The following SIK3 variants were observed in gnomAD, a reference collection of about 807,000 sequenced individuals.
SIK3 encodes the protein SIK family kinase 3.
SIK3 carries 28 observed loss-of-function variants against 144.2 expected under a neutral mutation model. The observed-to-expected ratio is 0.19, with a 90% confidence interval of 0.14 to 0.27. SIK3 has a LOEUF of 0.27. Ranked by LOEUF, SIK3 falls within the 10% of genes least tolerant of loss-of-function variation. The pLI is 1.00. For synonymous variants in SIK3, 686 were observed against 676.3 expected, an observed-to-expected ratio of 1.01 and a Z score of -0.22; for missense variants, 1,319 against 1,776.0, an observed-to-expected ratio of 0.74 and a Z score of 4.62.
chr11:116,897,294 T>A lies in SIK3; in HGVS notation c.640A>T (p.Thr214Ser). ...IADFGFSNLF[T>S]PGQLLKTWCG... ...CAGGTCTTCAGCAGCTGCCCAGGAG[T>A]GAAGAGGTTACTGAAACCAAAATCT... The change falls in exon 5 of 25, where the codon ACT becomes TCT. Residue 214 changes from threonine to serine, a missense_variant. Physicochemically the swap from Thr to Ser is moderately conservative, Grantham distance 58 (BLOSUM62 1). Around this residue, in one of 8 missense-constraint regions of SIK3, gnomAD observed 125 missense variants for 285.2 expected, o/e 0.44. Coordinates refer to ENST00000445177, the MANE Select transcript of SIK3 (RefSeq NM_001366686.3). The A allele has an allele frequency of 1.2e-6, 2 of 1,613,598 alleles. No homozygotes were observed. The highest frequency in any genetic ancestry group is 1.7e-6 in the Non-Finnish European group (2 of 1,179,796).
At chr11:116,935,253 T>A (rs1265483914) in intron 3 of SIK3, among the ~76,000 whole-genome samples, 1 of 151,728 alleles carries the variant, frequency 6.6e-6, no homozygotes, top group Non-Finnish European at 1.5e-5. Context: ...ATCTTTAAAC[T>A]ATTATTAATA....
chr11:116,977,492 G>C (rs76043899), intron 1 of SIK3, among the ~76,000 whole-genome samples: 7,004 of 152,106 alleles, frequency 0.046, 542 homozygotes, highest in African/African-American at 0.16. Flanking sequence ...AAGAAATCTA[G>C]GGTTTCTTTG....
At chr11:116,906,978 G>T (rs1946076328) in intron 4 of SIK3, among the ~76,000 whole-genome samples, 2 of 152,168 alleles carry the variant, frequency 1.3e-5, no homozygotes, top group African/African-American at 2.4e-5. Flanking sequence ...GCCCTGGAGG[G>T]AGCCATGTAT....
chr11:117,081,260 G>T (rs575372838), intron 1 of SIK3, among the ~76,000 whole-genome samples: 1 of 152,228 alleles, frequency 6.6e-6, no homozygotes, highest in South Asian at 2.1e-4. Flanking sequence ...TATACATTTT[G>T]TAAGGTTTGA....
chr11:117,028,175 C>T (rs1952102144), intron 1 of SIK3, among the ~76,000 whole-genome samples: 1 of 152,130 alleles, frequency 6.6e-6, no homozygotes, highest in Non-Finnish European at 1.5e-5. Context: ...TATATCAACA[C>T]TAAGAAATGA....
chr11:116,976,211 T>C (rs1001800903), intron 1 of SIK3, among the ~76,000 whole-genome samples: 2 of 152,244 alleles, frequency 1.3e-5, no homozygotes, highest in African/African-American at 2.4e-5. Context: ...TTAATTTTGA[T>C]GTAGTCCATT....
chr11:117,082,854 T>A (rs904415670), intron 1 of SIK3, among the ~76,000 whole-genome samples: 5 of 152,148 alleles, frequency 3.3e-5, no homozygotes, highest in Non-Finnish European at 7.4e-5. Context: ...AAAGTCAAAC[T>A]GCTGGCTAGT....
intron 4 of SIK3, among the ~76,000 whole-genome samples, chr11:116,907,037 A>G (rs994583238): frequency 1.3e-5 from 2 of 152,242 alleles, no homozygotes; most frequent in African/African-American, 4.8e-5. Context: ...TCTCCAGTGC[A>G]ACAGTTTTCC....
intron 1 of SIK3, among the ~76,000 whole-genome samples, chr11:117,001,625 T>G (rs1161270328): frequency 6.6e-6 from 1 of 152,198 alleles, no homozygotes; most frequent in East Asian, 1.9e-4. Context: ...GAGGCTGCAG[T>G]GAGCCATGAT....
In SIK3 at chr11:116,879,892, T is replaced by C. The variant is rs548058677; in HGVS notation, c.866-2850A>G. ...GCACCTGTATAGATTATAAATGTCATTGACACATATGTTTATCGTTTGCAG... is the reference window on the plus strand; with the variant it reads ...GCACCTGTATAGATTATAAATGTCACTGACACATATGTTTATCGTTTGCAG... On this transcript the variant is annotated intron_variant, in intron 6 of 24. Coordinates refer to ENST00000445177, the MANE Select transcript of SIK3 (RefSeq NM_001366686.3). 5.3e-5 allele frequency among the ~76,000 whole-genome samples: 8 copies of C among 152,064 alleles called. No individual in the cohort carries two copies. In the East Asian group the frequency reaches 1.2e-3, roughly 22 times the overall value.
At chr11:116,943,912 T>TAAAA (rs34561422) in intron 3 of SIK3, among the ~76,000 whole-genome samples, 4 of 144,806 alleles carry the variant, frequency 2.8e-5, no homozygotes, top group African/African-American at 1.0e-4. Flanking sequence ...CATTTAAAAG[T>TAAAA]AAAAAAAAAA....
chr11:117,036,482 T>C (rs897477797), intron 1 of SIK3, among the ~76,000 whole-genome samples: 13 of 152,162 alleles, frequency 8.5e-5, no homozygotes, highest in African/African-American at 3.1e-4. Context: ...TTTCAGGAAA[T>C]AACTTAAGGT....
At chr11:116,947,188 T>TATA in intron 3 of SIK3, among the ~76,000 whole-genome samples, 1 of 120,732 alleles carries the variant, frequency 8.3e-6, no homozygotes, top group Non-Finnish European at 1.7e-5. Context: ...ATATATAATA[T>TATA]ATTATATACA....
At chr11:117,057,794 G>A (rs1354229557) in intron 1 of SIK3, among the ~76,000 whole-genome samples, 1 of 152,132 alleles carries the variant, frequency 6.6e-6, no homozygotes, top group Non-Finnish European at 1.5e-5. Context: ...TCATCTATAA[G>A]ATGCAGATAA....
In SIK3 at chr11:116,862,262, C is replaced by A; in HGVS notation, c.2169G>T (p.Gln723His). 1 of 1,614,166 alleles carries A rather than the reference C, an allele frequency of 6.2e-7. No individual in the cohort carries two copies. The highest frequency in any genetic ancestry group is 8.5e-7 in the Non-Finnish European group (1 of 1,180,030). Residue 723 changes from glutamine (Q) to histidine (H), a missense_variant, in exon 17 of 25, where the codon CAG becomes CAT. Around this residue, in one of 8 missense-constraint regions of SIK3, gnomAD observed 77 missense variants for 141.9 expected, o/e 0.54. Coordinates refer to ENST00000445177, the MANE Select transcript of SIK3 (RefSeq NM_001366686.3). Reference sequence around the variant, plus strand: ...CCTGCTGGTATAACATATGCTGCTGCTGGGTCTTCTCCAGGGTTCTTTCAT... The same window carrying A: ...CCTGCTGGTATAACATATGCTGCTGATGGGTCTTCTCCAGGGTTCTTTCAT... ...QIDERTLEKT[Q>H]QQHMLYQQEQ...
chr11:116,856,025 G>A (rs1431976338), intron 21 of SIK3, among the ~76,000 whole-genome samples: 2 of 151,940 alleles, frequency 1.3e-5, no homozygotes, highest in Non-Finnish European at 2.9e-5. Flanking sequence ...GTGAAACCCT[G>A]TCTCTACTAA....
At chr11:117,032,568 A>C (rs914525144) in intron 1 of SIK3, among the ~76,000 whole-genome samples, 8 of 152,046 alleles carry the variant, frequency 5.3e-5, no homozygotes, top group Non-Finnish European at 1.0e-4. Flanking sequence ...GTCCAGTGGC[A>C]TGATCATAGC....
chr11:117,094,301 T>C (rs1955375811), intron 1 of SIK3, among the ~76,000 whole-genome samples: 1 of 152,120 alleles, frequency 6.6e-6, no homozygotes, highest in Non-Finnish European at 1.5e-5. Context: ...ATGCATACTT[T>C]AAAAAATGCA....
chr11:116,944,058 GTATTT>G (rs1420182285), intron 3 of SIK3, among the ~76,000 whole-genome samples: 4 of 152,070 alleles, frequency 2.6e-5, no homozygotes, highest in Non-Finnish European at 4.4e-5. Flanking sequence ...AATCCACTGT[GTATTT>G]TATACTTTAT....
Sources: gnomAD v4.1 joint callset for allele counts (sites outside exome capture counted in the v4.1 genomes callset) on GRCh38, gnomAD v4.1.1 for gene constraint, gnomAD v4.1.1 regional missense constraint, MANE v1.5 for transcripts, NCBI Gene and HGNC (gene_info 2026-07-23, HGNC 2026-07-21) for gene names.